Variants in OSBPL3 observed in about 807,000 individuals in gnomAD.
OSBPL3 encodes the protein oxysterol binding protein like 3.
OSBPL3 carries 65 observed loss-of-function variants against 120.1 expected under a neutral mutation model. The ratio of observed to expected loss-of-function variants is 0.54; its 90% CI spans 0.44 to 0.67. OSBPL3 has a LOEUF of 0.67. Among genes scored for constraint, OSBPL3 ranks in the 30% least tolerant of loss-of-function variants. The pLI is 0.00. For synonymous variants in OSBPL3, 416 were observed against 402.6 expected, an observed-to-expected ratio of 1.03 and a Z score of -0.40; for missense variants, 1,004 against 1,082.1, an observed-to-expected ratio of 0.93 and a Z score of 1.01.
chr7:24,809,243 T>C (rs1345583518), intron 20 of OSBPL3, among the ~76,000 whole-genome samples: 2 of 152,188 alleles, frequency 1.3e-5, no homozygotes, highest in Non-Finnish European at 2.9e-5. Flanking sequence ...TTTTCGGACT[T>C]AGGAGATGGA....
At position 24,862,756 on chromosome 7, in the gene OSBPL3, C is replaced by T. The variant is rs75767471; in HGVS notation, c.870+444G>A. On this transcript the variant is annotated intron_variant, in intron 9 of 22. Coordinates refer to ENST00000313367, the MANE Select transcript of OSBPL3 (RefSeq NM_015550.4). This position sits in a 1 kb window ranked among gnomAD's most constrained non-coding sequence, Gnocchi z 4.4. ...GAGATAAGAGGCCAAGGAGAATCTA[C>T]ACCATGTCCTGTGCCCAGAGAATCA... 0.037 allele frequency among the ~76,000 whole-genome samples: 5,620 copies of T among 152,238 alleles called. 363 individuals carry two copies. Among genetic ancestry groups the T allele is most frequent in the East Asian group, 0.26 (1,361 of 5,152 alleles).
At chr7:24,931,189 T>C (rs188009905) in intron 1 of OSBPL3, among the ~76,000 whole-genome samples, 2 of 152,260 alleles carry the variant, frequency 1.3e-5, no homozygotes, top group Admixed American at 6.5e-5. Context: ...ACAAAAATGT[T>C]TGTGAGCAGA....
chr7:24,860,787 C>T (rs1800421416), intron 10 of OSBPL3, among the ~76,000 whole-genome samples: 3 of 152,160 alleles, frequency 2.0e-5, no homozygotes, highest in South Asian at 4.2e-4. Flanking sequence ...AGGAGTATTC[C>T]ATTGTATGGA....
chr7:24,926,435 C>A (rs1437961982), intron 1 of OSBPL3, among the ~76,000 whole-genome samples: 1 of 152,148 alleles, frequency 6.6e-6, no homozygotes, highest in Non-Finnish European at 1.5e-5. Flanking sequence ...AAAAAGCTTT[C>A]CAGATGATTG....
chr7:24,897,106 C>G (rs560923688), intron 1 of OSBPL3, among the ~76,000 whole-genome samples: 2 of 149,228 alleles, frequency 1.3e-5, no homozygotes, highest in East Asian at 3.9e-4. Flanking sequence ...GGAAGGAAGG[C>G]AGGCAGGCAG....
chr7:24,924,549 C>T (rs183704833), intron 1 of OSBPL3, among the ~76,000 whole-genome samples: 9 of 152,284 alleles, frequency 5.9e-5, no homozygotes, highest in Middle Eastern at 3.4e-3. Flanking sequence ...AGCTTCTTCC[C>T]GGTATTGCTA....
rs1814749673 is a variant in OSBPL3, at chr7:24,953,992, T to C, written c.-150+25894A>G. ...TAGAACAAACTGAGAGAAAGGGGTC[T>C]GGGTACACTGGAAGTGGCAGCTCCA... On this transcript the variant is annotated intron_variant, in intron 1 of 22. Transcript: ENST00000313367. This position sits in a 1 kb window ranked among gnomAD's most constrained non-coding sequence, Gnocchi z 4.3. 6.6e-6 allele frequency among the ~76,000 whole-genome samples: 1 copy of C among 152,246 alleles called. No individual in the cohort carries two copies. Among genetic ancestry groups the C allele is most frequent in the South Asian group, 2.1e-4 (1 of 4,834 alleles).
At chr7:24,958,745 G>A (rs1242650779) in intron 1 of OSBPL3, among the ~76,000 whole-genome samples, 1 of 152,188 alleles carries the variant, frequency 6.6e-6, no homozygotes, top group Non-Finnish European at 1.5e-5. Flanking sequence ...TGGCATGGAA[G>A]ACTGAATTAA....
At chr7:24,847,059 C>CAAAA (rs10712873) in intron 12 of OSBPL3, among the ~76,000 whole-genome samples, 22 of 106,120 alleles carry the variant, frequency 2.1e-4, no homozygotes, top group South Asian at 3.1e-4. Flanking sequence ...GACTCTGTCT[C>CAAAA]AAAAAAAAAA....
At chr7:24,963,579 T>G (rs1182161641) in intron 1 of OSBPL3, among the ~76,000 whole-genome samples, 1 of 151,830 alleles carries the variant, frequency 6.6e-6, no homozygotes, top group Non-Finnish European at 1.5e-5. Flanking sequence ...GGACCCTGGG[T>G]GAGATGGGAG....
At chr7:24,842,043 T>C (rs1797846689) in intron 13 of OSBPL3, among the ~76,000 whole-genome samples, 1 of 152,022 alleles carries the variant, frequency 6.6e-6, no homozygotes, top group African/African-American at 2.4e-5. Flanking sequence ...AAATTTAACA[T>C]ATCAAGTTAC....
Position 24,892,436 on chromosome 7 carries a change from T to C in OSBPL3, c.37A>G (p.Lys13Glu). 6.2e-7 allele frequency: 1 copy of C among 1,613,868 alleles called. No homozygotes were observed. The highest frequency in any genetic ancestry group is 8.5e-7 in the Non-Finnish European group (1 of 1,179,802). The change falls in exon 2 of 23, where the codon AAA (lysine) becomes GAA (glutamate). Residue 13 changes from lysine to glutamate, a missense_variant. Coordinates refer to ENST00000313367, the MANE Select transcript of OSBPL3 (RefSeq NM_015550.4). ...GTGCTCCTTGAAGGTGATACCAATT[T>C]TTGGGACACACCAAGGTTCTTCTCA... ...SDEKNLGVSQ[K>E]LVSPSRSTSS...
rs370225980 is a variant in OSBPL3 at position 24,936,045 on chromosome 7, C to CT, written c.-149-43425dup. 0.021 allele frequency among the ~76,000 whole-genome samples: 2,905 copies of CT among 136,012 alleles called. 86 individuals are homozygous for CT. Among genetic ancestry groups the CT allele is most frequent in the African/African-American group, 0.069 (2,537 of 36,712 alleles). 89.2% of individuals were successfully genotyped at this position (136,012 alleles called of 152,430 possible). A position where few individuals can be genotyped will look rare whatever the true frequency, so the allele number is the denominator to read the frequency against. On this transcript the variant is annotated intron_variant, in intron 1 of 22. Coordinates refer to ENST00000313367, the MANE Select transcript of OSBPL3 (RefSeq NM_015550.4). This position sits in a 1 kb window ranked among gnomAD's most constrained non-coding sequence, Gnocchi z 4.2. ...CTATCCCTCCCCCCTCCCCAGGAATCTTTTTTTTTTATCACCATTTAATTC... is the reference window on the plus strand; with the variant it reads ...CTATCCCTCCCCCCTCCCCAGGAATCTTTTTTTTTTTATCACCATTTAATTC...
chr7:24,840,743 T>C lies in OSBPL3; in HGVS notation c.1442A>G (p.Asn481Ser). 1 of 1,470,218 alleles carries C rather than the reference T, an allele frequency of 6.8e-7. No homozygotes were observed. The allele number at this position is 1,470,218 out of a possible 1,614,324, so 91.1% of individuals were successfully genotyped here. A position where few individuals can be genotyped will look rare whatever the true frequency, so the allele number is the denominator to read the frequency against. The change falls in exon 14 of 23, where the codon AAT (asparagine) becomes AGT (serine). Residue 481 changes from asparagine to serine, a missense_variant. By Grantham distance (46) the Asn-to-Ser change is conservative. Transcript: ENST00000313367. Reference sequence around the variant, plus strand: ...ATTACTGAGATTATCTAAGGAAAGATTATCACTTATGTCACTGACATATGA... The same window carrying C: ...ATTACTGAGATTATCTAAGGAAAGACTATCACTTATGTCACTGACATATGA... The part of the protein sequence containing the change: ...DDSYVSDISD[N>S]LSLDNLSNDL...
In OSBPL3 at chr7:24,852,624, A is replaced by C; in HGVS notation, c.1038T>G (p.Thr346=). ...ACATGATATTAAAAGCTGACCTTAAAGTGAAGTAAACTATAGAGATAGAAT... is the reference window on the plus strand; with the variant it reads ...ACATGATATTAAAAGCTGACCTTAACGTGAAGTAAACTATAGAGATAGAAT... ...LCHIAHKVYF[T]LRSAFNIMSA... is the part of the protein sequence containing the mutation. The change falls in exon 11 of 23, where the codon ACT becomes ACG. Residue 346 remains threonine (T), a synonymous_variant. Coordinates refer to ENST00000313367, the MANE Select transcript of OSBPL3 (RefSeq NM_015550.4). This position sits in a 1 kb window ranked among gnomAD's most constrained non-coding sequence, Gnocchi z 4.1. The C allele has an allele frequency of 1.9e-6, 3 of 1,590,620 alleles. No homozygotes were observed. The highest frequency in any genetic ancestry group is 2.6e-6 in the Non-Finnish European group (3 of 1,170,976).
chr7:24,931,685 A>T (rs1023956363), intron 1 of OSBPL3, among the ~76,000 whole-genome samples: 1 of 152,242 alleles, frequency 6.6e-6, no homozygotes, highest in Non-Finnish European at 1.5e-5. Context: ...TCATAAATTT[A>T]AACAACTTAA....
rs2128541757 is a variant in OSBPL3 at position 24,972,204 on chromosome 7, CAG to C, written c.-150+7680_-150+7681del. On this transcript the variant is annotated intron_variant, in intron 1 of 22. Coordinates refer to ENST00000313367, the MANE Select transcript of OSBPL3 (RefSeq NM_015550.4). The surrounding 1 kb of genome is among the most constrained non-coding windows in gnomAD (Gnocchi z 4.3). ...AAATAAACAAACCTGTGTGTCGCAT[CAG>C]AGAGAGAAATTCAAAACCTCAAATC... Among the ~76,000 whole-genome samples, 1 of 152,286 alleles carries C rather than the reference CAG, an allele frequency of 6.6e-6. No homozygotes were observed. Among genetic ancestry groups the C allele is most frequent in the Non-Finnish European group, 1.5e-5 (1 of 68,016 alleles).
In OSBPL3 at chr7:24,815,067, A is replaced by T. The variant is rs1794307200; in HGVS notation, c.2164T>A (p.Phe722Ile). 1.2e-6 allele frequency: 2 copies of T among 1,613,992 alleles called. No homozygotes were observed. The highest frequency in any genetic ancestry group is 3.3e-5 in the Admixed American group (2 of 60,010). Residue 722 changes from phenylalanine (F) to isoleucine (I), a missense_variant, in exon 19 of 23, where the codon TTT becomes ATT. Transcript: ENST00000313367. This position sits in a 1 kb window ranked among gnomAD's most constrained non-coding sequence, Gnocchi z 5.1. ...AGAGTCACTGGAGTTACCTTTATAA[A>T]ATTCACTTTGCAGTAGCAGGAATCA... Reference protein sequence around the residue: ...HDDSCYCKVNFIKAKYWSTNA... With the variant: ...HDDSCYCKVNIIKAKYWSTNA...
chr7:24,845,697 C>T (rs1798366717), intron 12 of OSBPL3, among the ~76,000 whole-genome samples: 2 of 148,974 alleles, frequency 1.3e-5, no homozygotes, highest in African/African-American at 2.4e-5. Flanking sequence ...ATTCCTTTTG[C>T]AATTTTTTTC....
Sources: gnomAD v4.1 joint callset for allele counts (sites outside exome capture counted in the v4.1 genomes callset) on GRCh38, gnomAD v4.1.1 for gene constraint, Gnocchi (gnomAD v3.1) non-coding constraint, MANE v1.5 for transcripts, NCBI Gene and HGNC (gene_info 2026-07-23, HGNC 2026-07-21) for gene names.